QRFPR: variants seen among roughly 807,000 people sequenced by gnomAD.
QRFPR encodes the protein pyroglutamylated RF-amide peptide receptor.
Under a neutral mutation model 31.3 loss-of-function variants are expected in QRFPR, and 37 were observed. That is an observed-to-expected ratio of 1.18 (90% CI 0.91 to 1.56). QRFPR has a LOEUF of 1.56. Among genes scored for constraint, QRFPR ranks in the 40% most tolerant of loss-of-function variants. QRFPR has a pLI of 0.00. For missense variants in QRFPR, 542 were observed against 532.5 expected (o/e 1.02, Z -0.18); for synonymous variants, 197 against 192.0 (o/e 1.03, Z -0.22).
Position 121,342,263 on chromosome 4 carries a change from A to G in QRFPR, c.341-1653T>C, listed in dbSNP as rs73845768. On this transcript the variant is annotated intron_variant, in intron 1 of 5. Transcript: ENST00000394427. ...ACTCAGACTGGGACCTACACCAACA[A>G]CTCCCTGGGTTCTCAGGCCTGCAAG... Among the ~76,000 whole-genome samples the G allele has an allele frequency of 8.4e-3, 1,273 of 151,194 alleles. 10 individuals carry two copies. The highest frequency in any genetic ancestry group is 0.029 in the African/African-American group (1,211 of 41,140).
intron 1 of QRFPR, among the ~76,000 whole-genome samples, chr4:121,368,007 T>A (rs1726159514): frequency 6.7e-6 from 1 of 149,614 alleles, no homozygotes; most frequent in Non-Finnish European, 1.5e-5. Flanking sequence ...AAGGCCAGCT[T>A]CTTACACAGA....
At chr4:121,351,458 T>C (rs182148276) in intron 1 of QRFPR, among the ~76,000 whole-genome samples, 165 of 152,288 alleles carry the variant, frequency 1.1e-3, no homozygotes, top group Middle Eastern at 3.4e-3. Context: ...TAGCTACAAA[T>C]ACAGCTTTAG....
intron 1 of QRFPR, among the ~76,000 whole-genome samples, chr4:121,370,565 C>T (rs1726220342): frequency 6.6e-6 from 1 of 152,190 alleles, no homozygotes; most frequent in Non-Finnish European, 1.5e-5. Flanking sequence ...ATTCCAAGGG[C>T]CTACATCCCC....
At position 121,329,287 on chromosome 4, in the gene QRFPR, G is replaced by C; in HGVS notation, c.*27C>G. On this transcript the variant is annotated 3_prime_UTR_variant, in exon 6 of 6. Coordinates refer to ENST00000394427, the MANE Select transcript of QRFPR (RefSeq NM_198179.3). ...TTCTCTTTGGGTTACAATCTGAAGGGCATTAATTATGAAGATATTGTTATA... is the reference window on the plus strand; with the variant it reads ...TTCTCTTTGGGTTACAATCTGAAGGCCATTAATTATGAAGATATTGTTATA... The C allele has an allele frequency of 6.6e-7, 1 of 1,523,130 alleles. No individual in the cohort carries two copies. Among genetic ancestry groups the C allele is most frequent in the South Asian group, 1.3e-5 (1 of 79,152 alleles). 94.4% of individuals were successfully genotyped at this position (1,523,130 alleles called of 1,614,324 possible).
chr4:121,355,540 T>G (rs1179665326), intron 1 of QRFPR, among the ~76,000 whole-genome samples: 1 of 152,120 alleles, frequency 6.6e-6, no homozygotes, highest in African/African-American at 2.4e-5. Context: ...TTGTGTTTTT[T>G]AAAAGTCTTA....
chr4:121,373,021 C>T (rs1726281815), intron 1 of QRFPR, among the ~76,000 whole-genome samples: 1 of 152,166 alleles, frequency 6.6e-6, no homozygotes, highest in Non-Finnish European at 1.5e-5. Flanking sequence ...AAAACCAGCC[C>T]TAACTCTGAC....
At chr4:121,366,262 A>C (rs544348430) in intron 1 of QRFPR, among the ~76,000 whole-genome samples, 1 of 150,026 alleles carries the variant, frequency 6.7e-6, no homozygotes, top group Admixed American at 6.6e-5. Context: ...CATTTTACTT[A>C]CTATAAAAAA....
intron 1 of QRFPR, among the ~76,000 whole-genome samples, chr4:121,351,328 G>A (rs1725756850): frequency 6.6e-6 from 1 of 152,184 alleles, no homozygotes; most frequent in Non-Finnish European, 1.5e-5. Flanking sequence ...GTTCTCTTCA[G>A]AGTGCTTCCT....
At chr4:121,348,067 T>G (rs890478408) in intron 1 of QRFPR, among the ~76,000 whole-genome samples, 1 of 152,178 alleles carries the variant, frequency 6.6e-6, no homozygotes, top group Non-Finnish European at 1.5e-5. Context: ...GAAGAAGATA[T>G]ATCTTCTTCA....
chr4:121,351,783 T>C (rs574325432), intron 1 of QRFPR, among the ~76,000 whole-genome samples: 29 of 151,796 alleles, frequency 1.9e-4, no homozygotes, highest in Non-Finnish European at 3.7e-4. Flanking sequence ...GGAGTACTTA[T>C]GTAATTTATG....
chr4:121,374,190 G>A (rs761707357), intron 1 of QRFPR, among the ~76,000 whole-genome samples: 15 of 152,004 alleles, frequency 9.9e-5, no homozygotes, highest in African/African-American at 1.4e-4. Context: ...CTCTAAAAAC[G>A]TTAAGGGCTT....
chr4:121,334,886 A>G lies in QRFPR; in HGVS notation c.562-1830T>C, dbSNP rs544388818. Among the ~76,000 whole-genome samples the G allele has an allele frequency of 2.0e-5, 3 of 152,302 alleles. No individual in the cohort carries two copies. The South Asian group carries it at 6.2e-4, about 32-fold the overall frequency. On this transcript the variant is annotated intron_variant, in intron 3 of 5. Transcript: ENST00000394427. ...GCTCAGGACGATATTAGGCAGTGGA[A>G]TTTTCGAGAAGCGTACATTTGGGAA...
At chr4:121,332,658 C>T (rs1183334492) in intron 4 of QRFPR, among the ~76,000 whole-genome samples, 163 bp downstream of exon 4, 1 of 152,190 alleles carries the variant, frequency 6.6e-6, no homozygotes, top group East Asian at 1.9e-4. Flanking sequence ...CTTTCAGACA[C>T]ATGTAAAACT....
rs1726191788 is a variant in QRFPR at position 121,369,477 on chromosome 4, T to C, written c.340+10831A>G. On this transcript the variant is annotated intron_variant, in intron 1 of 5. Transcript: ENST00000394427. ...ACATTCAAGTCACGGGGTTTGAGAT[T>C]ATGTGCCCGTGGTGGCTGTTTCCTC... The C allele has an allele frequency of 5.2e-6, 6 of 1,155,792 alleles. No homozygotes were observed. In the South Asian group the frequency reaches 8.5e-5, roughly 16 times the overall value. The allele number at this position is 1,155,792 out of a possible 1,614,324, so 71.6% of individuals were successfully genotyped here. A position where few individuals can be genotyped will look rare whatever the true frequency, so the allele number is the denominator to read the frequency against.
intron 1 of QRFPR, among the ~76,000 whole-genome samples, chr4:121,362,098 T>C (rs10433907): frequency 0.17 from 24,837 of 149,930 alleles, 4,032 homozygotes; most frequent in East Asian, 0.6. Flanking sequence ...GTGAAAGCCA[T>C]GCAGAGCCCA....
Position 121,380,613 on chromosome 4 carries a change from G to C in QRFPR, c.35C>G (p.Ser12Cys), listed in dbSNP as rs1160484094. The change falls in exon 1 of 6, where the codon TCT becomes TGT. Residue 12 changes from serine (S) to cysteine (C), a missense_variant. Coordinates refer to ENST00000394427, the MANE Select transcript of QRFPR (RefSeq NM_198179.3). ...QALNITPEQF[S>C]RLLRDHNLTR... The stretch of plus-strand genomic sequence containing the variant: ...CAGGTTGTGGTCCCGCAGCAGCCGA[G>C]AGAACTGCTCCGGGGTAATGTTAAG... 2 of 1,599,224 alleles carry C rather than the reference G, an allele frequency of 1.3e-6. No homozygotes were observed. The highest frequency in any genetic ancestry group is 1.7e-4 in the Middle Eastern group (1 of 5,764).
At chr4:121,373,717 C>T (rs1302262156) in intron 1 of QRFPR, among the ~76,000 whole-genome samples, 1 of 152,158 alleles carries the variant, frequency 6.6e-6, no homozygotes. Context: ...CCAGGTTAAG[C>T]TCTCTGTTCT....
intron 1 of QRFPR, among the ~76,000 whole-genome samples, chr4:121,365,529 T>TAA (rs1726085073): frequency 3.1e-5 from 1 of 32,764 alleles, no homozygotes; most frequent in African/African-American, 2.3e-4. Flanking sequence ...ATATATATTA[T>TAA]ATATAATATA....
At chr4:121,370,262 G>A (rs1297375320) in intron 1 of QRFPR, 2 of 782,988 alleles carry the variant, frequency 2.6e-6, no homozygotes, top group Non-Finnish European at 4.7e-6. Context: ...TGAGTGCCCG[G>A]CGGTATATCC....
Sources: allele counts gnomAD v4.1 joint callset (sites outside exome capture counted in the v4.1 genomes callset), GRCh38; gene constraint gnomAD v4.1.1; transcripts MANE v1.5; gene names NCBI Gene and HGNC (gene_info 2026-07-23, HGNC 2026-07-21).